The following MIR2052HG variants were observed in gnomAD, a reference collection of about 807,000 sequenced individuals.
The protein encoded by MIR2052HG is MIR2052 host gene.
chr8:74,602,691 T>C (rs2128730072), intron 1 of MIR2052HG, among the ~76,000 whole-genome samples: 1 of 151,838 alleles, frequency 6.6e-6, no homozygotes, highest in Middle Eastern at 3.4e-3. Flanking sequence ...TTTGTATTTT[T>C]TTTTAAGCAG....
At chr8:74,700,755 T>C (rs1809349837) in intron 2 of MIR2052HG, among the ~76,000 whole-genome samples, 1 of 152,118 alleles carries the variant, frequency 6.6e-6, no homozygotes, top group African/African-American at 2.4e-5. Context: ...GGATGTTTTT[T>C]CAGTTTTTTT....
At chr8:74,631,385 T>G (rs1394977052) in intron 2 of MIR2052HG, among the ~76,000 whole-genome samples, 1 of 152,234 alleles carries the variant, frequency 6.6e-6, no homozygotes, top group Non-Finnish European at 1.5e-5. Flanking sequence ...TGTATTTGAA[T>G]AATTAGTTCT....
At chr8:74,750,958 G>C (rs1399464279) in intron 4 of MIR2052HG, among the ~76,000 whole-genome samples, 2 of 152,090 alleles carry the variant, frequency 1.3e-5, no homozygotes, top group East Asian at 3.9e-4. Flanking sequence ...ATTATACACT[G>C]TTCACAACGT....
intron 2 of MIR2052HG, among the ~76,000 whole-genome samples, chr8:74,662,858 TTGTG>T (rs68089808): frequency 0.15 from 21,937 of 144,120 alleles, 1,560 homozygotes; most frequent in Middle Eastern, 0.21. Flanking sequence ...AATGACTCAT[TTGTG>T]TGTGTGTGTG....
At chr8:74,649,346 G>T (rs1808728772) in intron 2 of MIR2052HG, among the ~76,000 whole-genome samples, 3 of 151,978 alleles carry the variant, frequency 2.0e-5, no homozygotes, top group Non-Finnish European at 4.4e-5. Context: ...TTGTGTGTGT[G>T]ATTTAGTGCT....
chr8:74,604,332 G>C, intron 1 of MIR2052HG: 1 of 602,938 alleles, frequency 1.7e-6, no homozygotes. Context: ...GCTGGCGCGA[G>C]GCGACTGAGG....
chr8:74,695,174 C>T (rs906994336), intron 2 of MIR2052HG, among the ~76,000 whole-genome samples: 4 of 152,090 alleles, frequency 2.6e-5, no homozygotes, highest in South Asian at 2.1e-4. Context: ...AACAACAAAA[C>T]GATAAACAGC....
chr8:74,687,910 T>C (rs1015089236), intron 2 of MIR2052HG, among the ~76,000 whole-genome samples: 5 of 152,174 alleles, frequency 3.3e-5, no homozygotes, highest in African/African-American at 9.7e-5. Flanking sequence ...GTGGTGGTGT[T>C]ATCACTGGTG....
chr8:74,711,075 A>G (rs1371254544), intron 4 of MIR2052HG, among the ~76,000 whole-genome samples: 1 of 152,128 alleles, frequency 6.6e-6, no homozygotes, highest in Admixed American at 6.6e-5. Flanking sequence ...CTTCAATACA[A>G]GTCTATCACT....
intron 2 of MIR2052HG, among the ~76,000 whole-genome samples, chr8:74,657,198 A>G (rs1338109065): frequency 1.3e-5 from 2 of 152,192 alleles, no homozygotes; most frequent in Non-Finnish European, 1.5e-5. Context: ...GGAAGGAGCT[A>G]TCAGAATAAA....
chr8:74,713,238 A>G (rs1027651238), intron 4 of MIR2052HG, among the ~76,000 whole-genome samples: 3 of 152,206 alleles, frequency 2.0e-5, no homozygotes. Context: ...AGCTTCAAAA[A>G]TATATCTTGA....
At chr8:74,658,486 C>A (rs989277774) in intron 2 of MIR2052HG, among the ~76,000 whole-genome samples, 1 of 151,700 alleles carries the variant, frequency 6.6e-6, no homozygotes, top group African/African-American at 2.4e-5. Flanking sequence ...CACCTCCCAG[C>A]TTCAAGCAAT....
chr8:74,640,348 G>A (rs986616597), intron 2 of MIR2052HG, among the ~76,000 whole-genome samples: 1 of 151,498 alleles, frequency 6.6e-6, no homozygotes, highest in African/African-American at 2.4e-5. Flanking sequence ...GTGCTTGCCT[G>A]TAGTCCCAGC....
chr8:74,723,542 T>C (rs1306025229), intron 4 of MIR2052HG, among the ~76,000 whole-genome samples: 1 of 151,880 alleles, frequency 6.6e-6, no homozygotes, highest in Non-Finnish European at 1.5e-5. Context: ...TTTTTTTCCA[T>C]GAGGAAGGTA....
chr8:74,630,528 GAAAAAAA>G (rs200428495), intron 2 of MIR2052HG, among the ~76,000 whole-genome samples: 4,374 of 126,076 alleles, frequency 0.035, 125 homozygotes, highest in Non-Finnish European at 0.052. Flanking sequence ...AGATTTCTCT[GAAAAAAA>G]AAAAAAAAAG....
chr8:74,603,904 C>T (rs1290003458), intron 1 of MIR2052HG: 6 of 1,108,182 alleles, frequency 5.4e-6, no homozygotes, highest in Non-Finnish European at 8.4e-6. Flanking sequence ...ACCACCTTTT[C>T]CAATGAGAGA....
intron 1 of MIR2052HG, among the ~76,000 whole-genome samples, chr8:74,605,407 T>A (rs979615687): frequency 1.9e-4 from 29 of 152,198 alleles, no homozygotes; most frequent in Non-Finnish European, 3.5e-4. Flanking sequence ...GTATTGAAAA[T>A]TTTCCCATTT....
chr8:74,624,449 A>G (rs1241845933), intron 2 of MIR2052HG, among the ~76,000 whole-genome samples: 1 of 152,184 alleles, frequency 6.6e-6, no homozygotes, highest in Non-Finnish European at 1.5e-5. Context: ...GAAATGAAGC[A>G]TTTGCTTATA....
chr8:74,687,266 A>T (rs1251881831), intron 2 of MIR2052HG, among the ~76,000 whole-genome samples: 2 of 152,128 alleles, frequency 1.3e-5, no homozygotes, highest in Non-Finnish European at 2.9e-5. Flanking sequence ...ATGGTCTAGC[A>T]GTTATGGAAA....
Sources: allele counts gnomAD v4.1 joint callset (sites outside exome capture counted in the v4.1 genomes callset), GRCh38; gene constraint gnomAD v4.1.1; transcripts MANE v1.5; gene names NCBI Gene and HGNC (gene_info 2026-07-23, HGNC 2026-07-21).